LRRC4C: variants seen among roughly 807,000 people sequenced by gnomAD.
LRRC4C encodes leucine rich repeat containing 4C.
LRRC4C carries 5 observed loss-of-function variants against 33.6 expected under a neutral mutation model. That is an observed-to-expected ratio of 0.15 (90% CI 0.08 to 0.31). The LOEUF is 0.31. Ranked by LOEUF, LRRC4C falls within the 10% of genes least tolerant of loss-of-function variation. The pLI, the probability that LRRC4C is intolerant of heterozygous loss-of-function variation, is 1.00. For synonymous variants in LRRC4C, 329 were observed against 302.0 expected (o/e 1.09, Z -0.93); for missense variants, 560 against 796.7 (o/e 0.70, Z 3.58).
At chr11:41,087,432 T>C (rs1277361845) in intron 1 of LRRC4C, among the ~76,000 whole-genome samples, 1 of 152,172 alleles carries the variant, frequency 6.6e-6, no homozygotes, top group Non-Finnish European at 1.5e-5. Flanking sequence ...TGTTTAATTG[T>C]TTCTCTAATA....
Position 40,115,897 on chromosome 11 carries a change from A to C in LRRC4C, c.396T>G (p.Phe132Leu), listed in dbSNP as rs1410776774. Reference sequence around the variant, plus strand: ...TCGGGATGGTAGTAAGACGATTGTCAAAGAGTTCCAGAGTGTTGAGGTTCG... The same window carrying C: ...TCGGGATGGTAGTAAGACGATTGTCCAAGAGTTCCAGAGTGTTGAGGTTCG... ...GLANLNTLELFDNRLTTIPNG... is the reference protein window; with the variant it reads ...GLANLNTLELLDNRLTTIPNG... Residue 132 changes from phenylalanine to leucine, a missense_variant, in exon 7 of 7, where the codon TTT becomes TTG. Around this residue, in one of 3 missense-constraint regions of LRRC4C, gnomAD observed 455 missense variants for 643.8 expected, o/e 0.71. Transcript: ENST00000528697. The surrounding 1 kb of genome is among the most constrained non-coding windows in gnomAD (Gnocchi z 6.7). 6.2e-7 allele frequency: 1 copy of C among 1,614,176 alleles called. No individual in the cohort carries two copies. The highest frequency in any genetic ancestry group is 8.5e-7 in the Non-Finnish European group (1 of 1,180,026).
chr11:41,095,899 G>C (rs61878576), intron 1 of LRRC4C, among the ~76,000 whole-genome samples: 2 of 152,094 alleles, frequency 1.3e-5, no homozygotes, highest in Non-Finnish European at 2.9e-5. Flanking sequence ...TAATTTTTGC[G>C]CCTAAAACCC....
chr11:40,989,834 C>CCTT (rs1853377250), intron 1 of LRRC4C, among the ~76,000 whole-genome samples: 1 of 151,692 alleles, frequency 6.6e-6, no homozygotes, highest in South Asian at 2.1e-4. Context: ...CCTTCCCATC[C>CCTT]ACAGATTAAA....
chr11:40,159,812 T>C (rs1165086074), intron 5 of LRRC4C, among the ~76,000 whole-genome samples: 2 of 152,194 alleles, frequency 1.3e-5, no homozygotes, highest in East Asian at 3.9e-4. Flanking sequence ...TGTTTCCTTT[T>C]AAAACTATAT....
rs528118856 is a variant in LRRC4C, at chr11:40,470,598, G to A, written c.-269-150877C>T. On this transcript the variant is annotated intron_variant, in intron 3 of 6. Transcript: ENST00000528697. ...AATAACAAACTTCTCTGAGTTAAAG[G>A]AGCATGTTCTAACCCAATGCAAGGA... is the stretch of plus-strand genomic sequence containing the variant. 7.9e-5 allele frequency among the ~76,000 whole-genome samples: 12 copies of A among 152,242 alleles called. 1 individual carries two copies. In the Middle Eastern group the frequency reaches 0.01, roughly 129 times the overall value.
At chr11:40,902,491 T>G (rs1429695047) in intron 2 of LRRC4C, among the ~76,000 whole-genome samples, 3 of 152,118 alleles carry the variant, frequency 2.0e-5, no homozygotes, top group African/African-American at 7.2e-5. Context: ...AGAGTCACCC[T>G]ACATTCAATT....
At chr11:40,807,641 T>C (rs998684790) in intron 2 of LRRC4C, among the ~76,000 whole-genome samples, 1 of 152,262 alleles carries the variant, frequency 6.6e-6, no homozygotes, top group African/African-American at 2.4e-5. Flanking sequence ...CAGTAAATAC[T>C]ATGAAACTAG....
At chr11:40,922,008 T>C (rs1454627986) in intron 2 of LRRC4C, among the ~76,000 whole-genome samples, 1 of 152,190 alleles carries the variant, frequency 6.6e-6, no homozygotes, top group African/African-American at 2.4e-5. Flanking sequence ...GTCTCATGAG[T>C]ATAACAAATT....
intron 1 of LRRC4C, among the ~76,000 whole-genome samples, chr11:41,201,957 A>G (rs1424806704): frequency 6.6e-6 from 1 of 151,590 alleles, no homozygotes; most frequent in Non-Finnish European, 1.5e-5. Context: ...AGTCCAGCAA[A>G]TGCAGTGTAG....
chr11:41,197,891 C>A (rs1022382918), intron 1 of LRRC4C, among the ~76,000 whole-genome samples: 4 of 151,896 alleles, frequency 2.6e-5, no homozygotes, highest in Non-Finnish European at 4.4e-5. Context: ...CTGGAAAATG[C>A]TCAGTAAATG....
chr11:40,744,852 TAAC>T (rs1035387597), intron 2 of LRRC4C, among the ~76,000 whole-genome samples: 1 of 152,168 alleles, frequency 6.6e-6, no homozygotes, highest in African/African-American at 2.4e-5. Flanking sequence ...TAAGTTAACT[TAAC>T]TTAAGTTTTC....
intron 5 of LRRC4C, among the ~76,000 whole-genome samples, chr11:40,149,931 C>T (rs151175199): frequency 7.2e-5 from 11 of 152,174 alleles, no homozygotes; most frequent in African/African-American, 2.6e-4. Context: ...ACCAAATTAC[C>T]ACAAACTTGA....
At chr11:40,885,576 C>T (rs539120044) in intron 2 of LRRC4C, among the ~76,000 whole-genome samples, 1 of 152,074 alleles carries the variant, frequency 6.6e-6, no homozygotes, top group Non-Finnish European at 1.5e-5. Context: ...GAATGGTAAA[C>T]AGCCTCACAG....
At chr11:41,082,667 G>A (rs1384050262) in intron 1 of LRRC4C, among the ~76,000 whole-genome samples, 1 of 152,100 alleles carries the variant, frequency 6.6e-6, no homozygotes, top group Non-Finnish European at 1.5e-5. Flanking sequence ...ATTTACGCAG[G>A]TCTGTTTGCT....
intron 3 of LRRC4C, among the ~76,000 whole-genome samples, chr11:40,553,499 C>A (rs760270405): frequency 1.3e-5 from 2 of 152,018 alleles, no homozygotes; most frequent in Non-Finnish European, 2.9e-5. Flanking sequence ...ATCATAGAAA[C>A]TATATTAGCG....
chr11:40,973,320 G>A (rs1472065867), intron 1 of LRRC4C, among the ~76,000 whole-genome samples: 2 of 151,358 alleles, frequency 1.3e-5, no homozygotes, highest in Non-Finnish European at 2.9e-5. Flanking sequence ...CTGATAAGAA[G>A]ACAGATCACT....
At chr11:40,753,801 A>G (rs1250048092) in intron 2 of LRRC4C, among the ~76,000 whole-genome samples, 2 of 152,044 alleles carry the variant, frequency 1.3e-5, no homozygotes, top group Non-Finnish European at 2.9e-5. Flanking sequence ...TTCTCCAAAA[A>G]CACATTCAAA....
intron 3 of LRRC4C, among the ~76,000 whole-genome samples, chr11:40,507,811 C>A (rs997998613): frequency 6.6e-6 from 1 of 150,968 alleles, no homozygotes; most frequent in East Asian, 2.0e-4. Flanking sequence ...ACCATCTCAG[C>A]TCACTGCAGC....
intron 1 of LRRC4C, among the ~76,000 whole-genome samples, chr11:41,303,521 G>T (rs1426011100): frequency 8.1e-6 from 1 of 123,506 alleles, no homozygotes; most frequent in Non-Finnish European, 1.7e-5. Context: ...CATCTGGGAA[G>T]TGAGGAGTGT....
Sources: gnomAD v4.1 joint callset for allele counts (sites outside exome capture counted in the v4.1 genomes callset) on GRCh38, gnomAD v4.1.1 for gene constraint, gnomAD v4.1.1 regional missense constraint, Gnocchi (gnomAD v3.1) non-coding constraint, MANE v1.5 for transcripts, NCBI Gene and HGNC (gene_info 2026-07-23, HGNC 2026-07-21) for gene names.